Variants in ZFP64 observed in about 807,000 individuals in gnomAD.
ZFP64 encodes the protein ZFP64 zinc finger protein.
ZFP64 carries 14 observed loss-of-function variants against 51.6 expected under a neutral mutation model. That is an observed-to-expected ratio of 0.27 (90% CI 0.18 to 0.42). The LOEUF is 0.42. ZFP64 is among the 10% of genes least tolerant of loss of function. ZFP64 has a pLI of 1.00. For synonymous variants in ZFP64, 375 were observed against 361.4 expected (o/e 1.04, Z -0.43); for missense variants, 754 against 906.8 (o/e 0.83, Z 2.16).
chr20:52,098,958 T>G (rs1038527928), intron 5 of ZFP64, among the ~76,000 whole-genome samples: 10 of 143,696 alleles, frequency 7.0e-5, no homozygotes, highest in African/African-American at 2.1e-4. Context: ...GCCGAGATCA[T>G]GCCACTGCAC....
intron 5 of ZFP64, chr20:52,111,191 C>T (rs937620839): frequency 1.5e-5 from 8 of 520,418 alleles, no homozygotes; most frequent in African/African-American, 1.3e-4. Context: ...CCCAAGTCAG[C>T]GGTCAATTTT....
intron 7 of ZFP64, among the ~76,000 whole-genome samples, chr20:52,092,451 T>C (rs1382126107): frequency 6.6e-6 from 1 of 152,168 alleles, no homozygotes; most frequent in African/African-American, 2.4e-5. Context: ...ATACACAAAG[T>C]CAATCGTGAC....
chr20:52,124,557 G>T (rs538278456), intron 5 of ZFP64, among the ~76,000 whole-genome samples: 1 of 152,088 alleles, frequency 6.6e-6, no homozygotes, highest in African/African-American at 2.4e-5. Flanking sequence ...CAGCTTTGCT[G>T]TATGTTTGAC....
Position 52,162,613 on chromosome 20 carries a change from C to T in ZFP64, c.511+2082G>A, listed in dbSNP as rs180975805. On this transcript the variant is annotated intron_variant, in intron 4 of 5. Coordinates refer to ENST00000216923, the MANE Select transcript of ZFP64 (RefSeq NM_018197.3). ...CTGCACTCCAGCCTGGGTGACAGAG[C>T]GAGACTCTGTCTCAAAAAAACAAAA... Among the ~76,000 whole-genome samples, 329 of 152,008 alleles carry T rather than the reference C, an allele frequency of 2.2e-3. 3 individuals are homozygous for T. Among genetic ancestry groups the T allele is most frequent in the African/African-American group, 7.8e-3 (322 of 41,466 alleles).
chr20:52,178,281 G>A (rs1983380148), intron 2 of ZFP64, among the ~76,000 whole-genome samples: 1 of 152,118 alleles, frequency 6.6e-6, no homozygotes, highest in Admixed American at 6.5e-5. Flanking sequence ...TAAGAGCACA[G>A]GTTTTGCAAC....
At chr20:52,091,984 C>A (rs2078932727) in intron 7 of ZFP64, among the ~76,000 whole-genome samples, 1 of 151,898 alleles carries the variant, frequency 6.6e-6, no homozygotes, top group African/African-American at 2.4e-5. Flanking sequence ...GAGCGAAACT[C>A]CGTCTCAAAA....
chr20:52,169,761 A>G (rs571782631), intron 2 of ZFP64, among the ~76,000 whole-genome samples: 1 of 152,344 alleles, frequency 6.6e-6, no homozygotes, highest in African/African-American at 2.4e-5. Flanking sequence ...TTTAAAATTT[A>G]ACGTAGTCCC....
intron 5 of ZFP64, among the ~76,000 whole-genome samples, chr20:52,158,134 G>C (rs543376735): frequency 3.3e-5 from 5 of 152,142 alleles, no homozygotes; most frequent in Non-Finnish European, 7.3e-5. Context: ...AAACATATGT[G>C]TGCATGTGTC....
chr20:52,187,310 T>C (rs1398932225), intron 1 of ZFP64, among the ~76,000 whole-genome samples: 1 of 152,230 alleles, frequency 6.6e-6, no homozygotes, highest in East Asian at 1.9e-4. Context: ...TTGGACATAA[T>C]GTAAATATCT....
chr20:52,095,752 T>C (rs1433464141), intron 7 of ZFP64, among the ~76,000 whole-genome samples: 3 of 152,230 alleles, frequency 2.0e-5, no homozygotes, highest in African/African-American at 4.8e-5. Context: ...TGTACATCTC[T>C]TGGGGTCGAA....
chr20:52,086,046 A>G (rs2122688698), intron 8 of ZFP64, among the ~76,000 whole-genome samples: 1 of 152,340 alleles, frequency 6.6e-6, no homozygotes, highest in East Asian at 1.9e-4. Flanking sequence ...TTAGTCCATC[A>G]GCTTCTGAGA....
At chr20:52,180,173 C>A (rs1983512279) in intron 2 of ZFP64, among the ~76,000 whole-genome samples, 1 of 152,222 alleles carries the variant, frequency 6.6e-6, no homozygotes, top group Admixed American at 6.5e-5. Flanking sequence ...CAGTTCCTAG[C>A]AACACCAAGA....
intron 5 of ZFP64, among the ~76,000 whole-genome samples, chr20:52,131,103 C>T (rs1230033502): frequency 6.8e-6 from 1 of 147,666 alleles, no homozygotes; most frequent in East Asian, 2.0e-4. Context: ...TACAGATTCT[C>T]ATCTTCATTA....
intron 5 of ZFP64, among the ~76,000 whole-genome samples, chr20:52,135,344 G>T (rs569692831): frequency 6.6e-6 from 1 of 152,286 alleles, no homozygotes; most frequent in Non-Finnish European, 1.5e-5. Flanking sequence ...GGGCTGAATA[G>T]TTGGAACAGA....
chr20:52,121,636 G>A (rs1194254565), intron 5 of ZFP64, among the ~76,000 whole-genome samples: 1 of 118,842 alleles, frequency 8.4e-6, no homozygotes, highest in Non-Finnish European at 1.9e-5. Flanking sequence ...AAAGTGCAAG[G>A]TGAAGCAGCA....
chr20:52,147,740 C>T (rs952565242), downstream of ZFP64, among the ~76,000 whole-genome samples: 1 of 152,138 alleles, frequency 6.6e-6, no homozygotes, highest in Non-Finnish European at 1.5e-5. Context: ...CAGGACCGGG[C>T]ACCGTGGCTC....
chr20:52,088,469 C>T (rs1164412126), exon 8 of ZFP64: 4 of 1,614,022 alleles, frequency 2.5e-6, no homozygotes, highest in African/African-American at 1.3e-5. Flanking sequence ...TTTGTACGGC[C>T]GCTCATCAGA....
chr20:52,180,074 T>G lies in ZFP64; in HGVS notation c.286+6758A>C, dbSNP rs78092647. On this transcript the variant is annotated intron_variant, in intron 2 of 5. Transcript: ENST00000216923. ...TTTGTCTTGCCCACCACGGTCAGAG[T>G]GGCCTTGTCTGATGTTGGTGTTTTA... 7.9e-3 allele frequency among the ~76,000 whole-genome samples: 1,197 copies of G among 152,216 alleles called. 18 individuals carry two copies. The highest frequency in any genetic ancestry group is 0.027 in the African/African-American group (1,130 of 41,536).
intron 2 of ZFP64, among the ~76,000 whole-genome samples, chr20:52,168,508 T>G (rs572639137): frequency 1.0e-3 from 154 of 152,292 alleles, no homozygotes; most frequent in African/African-American, 3.6e-3. Flanking sequence ...AATCAGACAC[T>G]CTGGGGGTGC....
Sources: allele counts gnomAD v4.1 joint callset (sites outside exome capture counted in the v4.1 genomes callset), GRCh38; gene constraint gnomAD v4.1.1; transcripts MANE v1.5; gene names NCBI Gene and HGNC (gene_info 2026-07-23, HGNC 2026-07-21).